The following NAV3 variants were observed in gnomAD, a reference collection of about 807,000 sequenced individuals.
The protein encoded by NAV3 is pore membrane and/or filament interacting like protein 1.
NAV3 carries 87 observed loss-of-function variants against 244.7 expected under a neutral mutation model. The observed-to-expected ratio is 0.36, with a 90% confidence interval of 0.30 to 0.42. The LOEUF (loss-of-function observed/expected upper bound fraction) is 0.42, where lower values mean the gene tolerates loss of function less well. NAV3 is among the 20% of genes least tolerant of loss of function. The pLI, the probability that NAV3 is intolerant of heterozygous loss-of-function variation, is 1.00. For synonymous variants in NAV3, 1,126 were observed against 1,042.2 expected (o/e 1.08, Z -1.55); for missense variants, 2,663 against 2,893.3 (o/e 0.92, Z 1.83).
intron 1 of NAV3, among the ~76,000 whole-genome samples, chr12:77,846,063 C>T (rs1010659193): frequency 2.5e-4 from 38 of 152,226 alleles, no homozygotes; most frequent in Admixed American, 1.8e-3. Context: ...TCTCCAATTC[C>T]GGATGAACGA....
intron 12 of NAV3, among the ~76,000 whole-genome samples, chr12:78,101,748 A>C (rs1954547874): frequency 6.6e-6 from 1 of 152,138 alleles, no homozygotes. Context: ...GTGTTTGCTG[A>C]TATAAGAGGT....
chr12:77,586,404 T>C (rs958039296), intron 2 of NAV3, among the ~76,000 whole-genome samples: 15 of 152,224 alleles, frequency 9.9e-5, no homozygotes, highest in African/African-American at 3.6e-4. Context: ...TAGGGTTTCA[T>C]TAGCACACAC....
chr12:78,016,356 A>T (rs1876213768), intron 8 of NAV3, among the ~76,000 whole-genome samples: 1 of 152,060 alleles, frequency 6.6e-6, no homozygotes, highest in Non-Finnish European at 1.5e-5. Context: ...TACATTCATA[A>T]TACCTCCAAT....
rs2137243737 is a variant in NAV3, at chr12:78,050,763, G to A, written c.2133-1G>A. The A allele has an allele frequency of 6.3e-7, 1 of 1,583,566 alleles. No individual in the cohort carries two copies. Among genetic ancestry groups the A allele is most frequent in the Non-Finnish European group, 8.6e-7 (1 of 1,159,966 alleles). ...AGTTATTTCTCCATTTTATTTGACA[G>A]CACCCTGGAGACAACATTTGACAGC... On this transcript the variant is annotated splice_acceptor_variant, in intron 10 of 39. Transcript: ENST00000397909. LOFTEE classifies it high-confidence loss of function.
intron 22 of NAV3, among the ~76,000 whole-genome samples, chr12:78,149,156 T>C (rs1956977591): frequency 6.6e-6 from 1 of 152,094 alleles, no homozygotes; most frequent in Non-Finnish European, 1.5e-5. Context: ...TTGGAAACAA[T>C]AGTAACAGCC....
At chr12:77,708,256 A>C (rs1018511807) in intron 2 of NAV3, among the ~76,000 whole-genome samples, 5 of 152,220 alleles carry the variant, frequency 3.3e-5, no homozygotes, top group Non-Finnish European at 5.9e-5. Flanking sequence ...GAAGGGATCC[A>C]GTTTCAGCTT....
chr12:78,029,861 C>G (rs1337838562), intron 9 of NAV3, among the ~76,000 whole-genome samples: 1 of 152,018 alleles, frequency 6.6e-6, no homozygotes, highest in Non-Finnish European at 1.5e-5. Context: ...AAATAATTGC[C>G]TATTAGTAGC....
At chr12:77,975,152 A>G (rs1868289380) in intron 5 of NAV3, among the ~76,000 whole-genome samples, 1 of 152,180 alleles carries the variant, frequency 6.6e-6, no homozygotes, top group Non-Finnish European at 1.5e-5. Flanking sequence ...AGATTTTTTT[A>G]ATTAGTTACT....
At chr12:77,704,059 T>C (rs1167636719) in intron 2 of NAV3, among the ~76,000 whole-genome samples, 1 of 152,182 alleles carries the variant, frequency 6.6e-6, no homozygotes, top group Non-Finnish European at 1.5e-5. Context: ...CTGTGATTAA[T>C]CTGAGCCATA....
intron 2 of NAV3, among the ~76,000 whole-genome samples, chr12:77,815,008 G>T (rs545252398): frequency 1.3e-5 from 2 of 152,302 alleles, no homozygotes; most frequent in African/African-American, 4.8e-5. Context: ...GTCAGGAAAT[G>T]AAACTATCTT....
intron 1 of NAV3, among the ~76,000 whole-genome samples, chr12:77,903,287 A>C (rs1374611853): frequency 2.0e-5 from 3 of 152,208 alleles, no homozygotes; most frequent in Admixed American, 2.0e-4. Flanking sequence ...TACTAGTACA[A>C]AAACAGAGAT....
At chr12:78,041,429 A>G (rs148056233) in intron 9 of NAV3, among the ~76,000 whole-genome samples, 300 of 152,326 alleles carry the variant, frequency 2.0e-3, no homozygotes, top group African/African-American at 7.0e-3. Context: ...AAATATAGTA[A>G]AGGAATTAGC....
intron 2 of NAV3, among the ~76,000 whole-genome samples, chr12:77,594,114 C>T (rs886628157): frequency 6.6e-6 from 1 of 151,972 alleles, no homozygotes; most frequent in Non-Finnish European, 1.5e-5. Context: ...CAACAAAAAA[C>T]CCTAATAAAT....
At chr12:78,156,564 G>A (rs1158302235) in intron 22 of NAV3, among the ~76,000 whole-genome samples, 1 of 152,016 alleles carries the variant, frequency 6.6e-6, no homozygotes, top group Non-Finnish European at 1.5e-5. Context: ...GTAAAGGAGA[G>A]TAATTTTCTT....
chr12:77,867,057 A>T (rs1238155034), intron 1 of NAV3, among the ~76,000 whole-genome samples: 1 of 152,194 alleles, frequency 6.6e-6, no homozygotes, highest in Non-Finnish European at 1.5e-5. Flanking sequence ...TCAAGTAACT[A>T]GTCTGAGTTA....
Position 77,749,904 on chromosome 12 carries a change from A to G in NAV3, c.72+177638A>G, listed in dbSNP as rs373085238. ...ACAGATGCTAGAGTTCTTTTCTTTCAAGTTAAAGCTTTAAGGAGTAGACTT... is the reference window on the plus strand; with the variant it reads ...ACAGATGCTAGAGTTCTTTTCTTTCGAGTTAAAGCTTTAAGGAGTAGACTT... On this transcript the variant is annotated intron_variant, in intron 2 of 8. Transcript: ENST00000550042. Among the ~76,000 whole-genome samples, 168 of 152,330 alleles carry G rather than the reference A, an allele frequency of 1.1e-3. 1 individual carries two copies. The highest frequency in any genetic ancestry group is 3.3e-3 in the African/African-American group (136 of 41,586).
chr12:77,885,340 C>T (rs867580692), intron 1 of NAV3, among the ~76,000 whole-genome samples: 7 of 151,984 alleles, frequency 4.6e-5, no homozygotes, highest in Middle Eastern at 3.2e-3. Context: ...AAATAGCTTG[C>T]CAAAGGTTGT....
At chr12:78,011,510 G>A (rs1036974197) in intron 8 of NAV3, among the ~76,000 whole-genome samples, 2 of 152,100 alleles carry the variant, frequency 1.3e-5, no homozygotes, top group African/African-American at 4.8e-5. Flanking sequence ...TCACCAAGAA[G>A]TTAAGATAAG....
chr12:78,099,079 TTC>T (rs1474687285), intron 12 of NAV3, among the ~76,000 whole-genome samples: 2 of 151,574 alleles, frequency 1.3e-5, no homozygotes, highest in Non-Finnish European at 3.0e-5. Flanking sequence ...GAGTCAGTAA[TTC>T]TCTTTTTGTA....
Sources: gnomAD v4.1 joint callset for allele counts (sites outside exome capture counted in the v4.1 genomes callset) on GRCh38, gnomAD v4.1.1 for gene constraint, MANE v1.5 for transcripts, NCBI Gene and HGNC (gene_info 2026-07-23, HGNC 2026-07-21) for gene names.